RAB28: variants seen among roughly 807,000 people sequenced by gnomAD.
RAB28 encodes the protein ras-related protein Rab-28.
Under a neutral mutation model 31.7 loss-of-function variants are expected in RAB28, and 24 were observed. The observed-to-expected ratio is 0.76, with a 90% CI of 0.55 to 1.06. The LOEUF is 1.06. Among genes scored for constraint, RAB28 ranks in the 50% least tolerant of loss-of-function variants. The probability of loss-of-function intolerance (pLI) is 0.00; values close to 1 mark genes in which losing one functional copy is unlikely to be tolerated. For missense variants in RAB28, 254 were observed against 258.5 expected (o/e 0.98, Z 0.12); for synonymous variants, 100 against 90.4 (o/e 1.11, Z -0.60).
At chr4:13,429,066 T>C (rs780676350) in intron 4 of RAB28, among the ~76,000 whole-genome samples, 55 of 151,294 alleles carry the variant, frequency 3.6e-4, no homozygotes, top group South Asian at 1.7e-3. Flanking sequence ...TGCCTCAGCC[T>C]CCCGAGTAGC....
chr4:13,396,306 A>G (rs1398784887), intron 4 of RAB28, among the ~76,000 whole-genome samples: 2 of 152,070 alleles, frequency 1.3e-5, no homozygotes, highest in African/African-American at 4.8e-5. Flanking sequence ...AACTACCTCC[A>G]GGAAGTTACT....
intron 4 of RAB28, among the ~76,000 whole-genome samples, chr4:13,402,396 T>A (rs1711817747): frequency 6.6e-6 from 1 of 152,254 alleles, no homozygotes; most frequent in Admixed American, 6.5e-5. Context: ...AACCTTTCTG[T>A]TCTATCAGTT....
intron 4 of RAB28, among the ~76,000 whole-genome samples, chr4:13,408,767 TATA>T (rs1712251242): frequency 6.6e-6 from 1 of 152,160 alleles, no homozygotes; most frequent in Non-Finnish European, 1.5e-5. Context: ...ATAAATTGAC[TATA>T]TACTGATCAT....
At chr4:13,481,527 G>A (rs10034875) in intron 1 of RAB28, among the ~76,000 whole-genome samples, 198 of 151,886 alleles carry the variant, frequency 1.3e-3, no homozygotes, top group African/African-American at 4.5e-3. Flanking sequence ...TATATTTTTT[G>A]ATTTGGAAAA....
intron 4 of RAB28, among the ~76,000 whole-genome samples, chr4:13,439,456 A>G (rs1394084381): frequency 2.6e-5 from 4 of 152,218 alleles, no homozygotes; most frequent in Middle Eastern, 3.4e-3. Flanking sequence ...CCAGGCTCAA[A>G]TAACTCTCAT....
At chr4:13,410,405 T>C (rs979433940) in intron 4 of RAB28, among the ~76,000 whole-genome samples, 1 of 152,140 alleles carries the variant, frequency 6.6e-6, no homozygotes, top group Non-Finnish European at 1.5e-5. Flanking sequence ...ATTAGAAGCC[T>C]GATTGCCGGT....
At chr4:13,420,472 C>T (rs1713065228) in intron 4 of RAB28, among the ~76,000 whole-genome samples, 1 of 152,088 alleles carries the variant, frequency 6.6e-6, no homozygotes, top group African/African-American at 2.4e-5. Flanking sequence ...AATTTTAGAC[C>T]AATATCCCTG....
chr4:13,449,577 C>T (rs893423090), intron 4 of RAB28, among the ~76,000 whole-genome samples: 1 of 151,878 alleles, frequency 6.6e-6, no homozygotes, highest in Non-Finnish European at 1.5e-5. Flanking sequence ...AGAGATAGTA[C>T]TCCAAGAACT....
rs79744984 is a variant in RAB28, at chr4:13,389,697, T to C, written c.392-8103A>G. Among the ~76,000 whole-genome samples, 528 of 152,258 alleles carry C rather than the reference T, an allele frequency of 3.5e-3. 13 individuals carry two copies. In the East Asian group the frequency reaches 0.052, roughly 15 times the overall value. ...ACATATATCACTACATGCATAGATA[T>C]TTTAGTACCATGTTTTGTTTTTATT... On this transcript the variant is annotated intron_variant, in intron 4 of 6. Transcript: ENST00000330852.
intron 4 of RAB28, among the ~76,000 whole-genome samples, chr4:13,436,769 A>T (rs1489266078): frequency 6.6e-6 from 1 of 151,924 alleles, no homozygotes; most frequent in Non-Finnish European, 1.5e-5. Flanking sequence ...TGTTAAAATG[A>T]CCACACGACC....
At chr4:13,435,648 A>T (rs909401495) in intron 4 of RAB28, among the ~76,000 whole-genome samples, 2 of 152,212 alleles carry the variant, frequency 1.3e-5, no homozygotes, top group Non-Finnish European at 2.9e-5. Context: ...ATTCCTGGAA[A>T]CACACAACCT....
At chr4:13,435,023 A>T (rs1714016739) in intron 4 of RAB28, among the ~76,000 whole-genome samples, 1 of 150,188 alleles carries the variant, frequency 6.7e-6, no homozygotes, top group Non-Finnish European at 1.5e-5. Context: ...GTCTCAAAAA[A>T]AAAAAAAAAA....
intron 4 of RAB28, among the ~76,000 whole-genome samples, chr4:13,403,937 ATT>A (rs1711924765): frequency 6.6e-6 from 1 of 152,240 alleles, no homozygotes; most frequent in South Asian, 2.1e-4. Context: ...AAATGAAACC[ATT>A]GTCTCAATTA....
At chr4:13,392,378 G>A (rs1197343228) in intron 4 of RAB28, among the ~76,000 whole-genome samples, 1 of 152,082 alleles carries the variant, frequency 6.6e-6, no homozygotes, top group East Asian at 1.9e-4. Flanking sequence ...CCCAAGAGAT[G>A]ACCTCTGTTA....
chr4:13,484,289 T>A lies in RAB28; in HGVS notation c.-139A>T. On this transcript the variant is annotated 5_prime_UTR_variant, in exon 1 of 7. Transcript: ENST00000330852. ...GTGTCTCCGCGCCGGCAGGAGGTAT[T>A]CGAGGAGAATCACTCGGCAAGCGCC... 1 of 663,282 alleles carries A rather than the reference T, an allele frequency of 1.5e-6. No homozygotes were observed. Among genetic ancestry groups the A allele is most frequent in the Non-Finnish European group, 2.8e-6 (1 of 363,630 alleles). The allele number at this position is 663,282 out of a possible 1,614,324, so 41.1% of individuals were successfully genotyped here.
chr4:13,389,903 G>C lies in RAB28; in HGVS notation c.392-8309C>G, dbSNP rs185218362. 3.0e-3 allele frequency among the ~76,000 whole-genome samples: 452 copies of C among 152,174 alleles called. 5 individuals carry two copies. The highest frequency in any genetic ancestry group is 5.3e-3 in the Non-Finnish European group (360 of 67,976). ...TCAATAAACTGGGTATTGATGGAAC[G>C]TATCTCAAAACAATAAGAGCTATTT... On this transcript the variant is annotated intron_variant, in intron 4 of 6. Coordinates refer to ENST00000330852, the MANE Select transcript of RAB28 (RefSeq NM_001017979.3).
intron 3 of RAB28, among the ~76,000 whole-genome samples, chr4:13,466,349 A>C (rs1408160235): frequency 2.0e-5 from 3 of 151,980 alleles, no homozygotes; most frequent in Non-Finnish European, 4.4e-5. Flanking sequence ...CGAGGAACTC[A>C]AACAACTCCA....
intron 4 of RAB28, among the ~76,000 whole-genome samples, chr4:13,433,138 G>GAAAAAAAAA (rs1159582203): frequency 4.3e-5 from 3 of 69,490 alleles, no homozygotes; most frequent in Admixed American, 1.6e-4. Context: ...GCAAATGAAA[G>GAAAAAAAAA]AAAAAAAAAA....
At chr4:13,446,407 C>T (rs540120670) in intron 4 of RAB28, among the ~76,000 whole-genome samples, 21 of 152,280 alleles carry the variant, frequency 1.4e-4, no homozygotes, top group African/African-American at 5.1e-4. Flanking sequence ...GTTCCAGGTG[C>T]CACAGGAATA....
Sources: gnomAD v4.1 joint callset for allele counts (sites outside exome capture counted in the v4.1 genomes callset) on GRCh38, gnomAD v4.1.1 for gene constraint, MANE v1.5 for transcripts, NCBI Gene and HGNC (gene_info 2026-07-23, HGNC 2026-07-21) for gene names.